The following XAF1 variants were observed in gnomAD, a reference collection of about 807,000 sequenced individuals.
XAF1 encodes XIAP-associated factor 1.
A neutral mutation model predicts 32.3 loss-of-function variants in XAF1; 32 were observed. That is an observed-to-expected ratio of 0.99 (90% CI 0.75 to 1.33). XAF1 has a LOEUF of 1.33. XAF1 is among the 40% of genes most tolerant of loss of function. The pLI is 0.00. For missense variants in XAF1, 379 were observed against 366.0 expected, an observed-to-expected ratio of 1.04 and a Z score of -0.29; for synonymous variants, 120 against 125.9, an observed-to-expected ratio of 0.95 and a Z score of 0.31.
chr17:6,756,638 T>A (rs1974695365), intron 1 of XAF1, among the ~76,000 whole-genome samples: 1 of 152,090 alleles, frequency 6.6e-6, no homozygotes. Flanking sequence ...TCCCTACCTG[T>A]GACAGGGACC....
rs755001289 is a variant in XAF1 at position 6,773,124 on chromosome 17, G to A, written c.861G>A (p.Arg287=). ...PILNQHQEKC[R]WLASSKGKQV... ...TATCCATTTCTTAGGAGAAATGCCG[G>A]TGGTTAGCTTCATCAAAAGGAAAAC... The change falls in exon 7 of 7, where the codon CGG becomes CGA. Residue 287 remains arginine, a synonymous_variant. Coordinates refer to ENST00000361842, the MANE Select transcript of XAF1 (RefSeq NM_017523.5). 3.1e-6 allele frequency: 5 copies of A among 1,606,524 alleles called. No homozygotes were observed. The African/African-American group carries it at 5.4e-5, about 17-fold the overall frequency.
Position 6,770,662 on chromosome 17 carries a change from C to CA in XAF1, c.528dup (p.Glu177ArgfsTer3), listed in dbSNP as rs767922066. 3 of 1,596,996 alleles carry CA rather than the reference C, an allele frequency of 1.9e-6. No homozygotes were observed. The highest frequency in any genetic ancestry group is 1.8e-5 in the Admixed American group (1 of 55,552). On this transcript the variant is annotated frameshift_variant, in exon 6 of 7. Transcript: ENST00000361842. LOFTEE classifies it high-confidence loss of function. The stretch of plus-strand genomic sequence containing the variant: ...TTGCAGGGTAAATGTTGTCCAGACT[C>CA]AGAGTTTAAGAAACACTTTCCTGTT...
At chr17:6,755,752 G>T, upstream of XAF1, 1 of 1,145,682 alleles carries the variant, frequency 8.7e-7, no homozygotes, top group Non-Finnish European at 1.1e-6. Context: ...AGACCCAGAC[G>T]GAGAGAAGCC....
At chr17:6,770,328 C>T (rs1042904599) in intron 5 of XAF1, among the ~76,000 whole-genome samples, 1 of 152,170 alleles carries the variant, frequency 6.6e-6, no homozygotes, top group South Asian at 2.1e-4. Flanking sequence ...GGACCCTAAT[C>T]TCATTAAAAA....
At chr17:6,760,368 A>AAT in intron 3 of XAF1, 38 bp from the exon 4 acceptor site, 7 of 1,425,740 alleles carry the variant, frequency 4.9e-6, no homozygotes, top group Admixed American at 2.4e-5. Flanking sequence ...AAAAAAAAAA[A>AAT]GGGCCAGTGA....
intron 4 of XAF1, chr17:6,761,787 C>G: frequency 7.9e-7 from 1 of 1,260,114 alleles, no homozygotes; most frequent in Non-Finnish European, 1.0e-6. Flanking sequence ...CAACCAACAC[C>G]TGGTCTGATC....
intron 5 of XAF1, among the ~76,000 whole-genome samples, chr17:6,765,509 C>A (rs1156589631): frequency 6.6e-6 from 1 of 152,156 alleles, no homozygotes; most frequent in Non-Finnish European, 1.5e-5. Context: ...GTTTTTCTCC[C>A]CAAACTCTAG....
At chr17:6,757,282 CATG>C (rs1974765803) in intron 1 of XAF1, 2 of 152,422 alleles carry the variant, frequency 1.3e-5, no homozygotes, top group African/African-American at 4.8e-5. Flanking sequence ...GGATTACAGG[CATG>C]AGCCACCACA....
rs760599560 is a variant in XAF1 at position 6,770,639 on chromosome 17, G to T, written c.508-4G>T. ...AAAATTTGATATATTATTCACAATT[G>T]CAGGGTAAATGTTGTCCAGACTCAG... On this transcript the variant is annotated splice_polypyrimidine_tract_variant and splice_region_variant and intron_variant, in intron 5 of 6. Coordinates refer to ENST00000361842, the MANE Select transcript of XAF1 (RefSeq NM_017523.5). 12 of 1,565,008 alleles carry T rather than the reference G, an allele frequency of 7.7e-6. No individual in the cohort carries two copies. Among genetic ancestry groups the T allele is most frequent in the Non-Finnish European group, 7.8e-6 (9 of 1,160,694 alleles).
intron 2 of XAF1, 21 bp downstream of exon 2, chr17:6,758,245 A>T: frequency 1.2e-6 from 2 of 1,610,380 alleles, no homozygotes; most frequent in Admixed American, 1.7e-5. Context: ...GGCAGGGAGG[A>T]TGGGGTCTGA....
rs139863841 is a variant in XAF1 at position 6,759,703 on chromosome 17, G to T, written c.210G>T (p.Ser70=). 4 of 1,613,744 alleles carry T rather than the reference G, an allele frequency of 2.5e-6. No individual in the cohort carries two copies. Among genetic ancestry groups the T allele is most frequent in the Non-Finnish European group, 3.4e-6 (4 of 1,180,020 alleles). The change falls in exon 3 of 7, where the codon TCG becomes TCT. Residue 70 remains serine, a synonymous_variant. Coordinates refer to ENST00000361842, the MANE Select transcript of XAF1 (RefSeq NM_017523.5). ...GTCAGCAGAGCATGCAGAAGTCCTCGCTGGAGTTTCATAAGGTAAGAGCCC... is the reference window on the plus strand; with the variant it reads ...GTCAGCAGAGCATGCAGAAGTCCTCTCTGGAGTTTCATAAGGTAAGAGCCC... ...TMCQQSMQKS[S]LEFHKANECQ...
rs1976272062 is a variant in XAF1 at position 6,774,278 on chromosome 17, T to C, written c.*1109T>C. 2 of 152,130 alleles carry C rather than the reference T, an allele frequency of 1.3e-5. No individual in the cohort carries two copies. The highest frequency in any genetic ancestry group is 4.1e-4 in the South Asian group (2 of 4,830). The allele number at this position is 152,130 out of a possible 1,614,324, so 9.4% of individuals were successfully genotyped here. On this transcript the variant is annotated 3_prime_UTR_variant, in exon 7 of 7. Transcript: ENST00000361842. ...AAATAAAGCTACACACCTACAACCA[T>C]CTAATCTTTGACAAAGTTGACAAAA...
upstream of XAF1, chr17:6,755,636 A>T: frequency 9.8e-7 from 1 of 1,024,384 alleles, no homozygotes; most frequent in Non-Finnish European, 1.2e-6. Context: ...AGGGAACAGC[A>T]TTCAAGCTCA....
At chr17:6,756,230 A>G in intron 1 of XAF1, 120 bp downstream of exon 1, 1 of 1,541,544 alleles carries the variant, frequency 6.5e-7, no homozygotes. Flanking sequence ...TAGGAGGACA[A>G]GCAGCTGGAG....
chr17:6,760,521 G>A lies in XAF1; in HGVS notation c.341G>A (p.Gly114Asp). The change falls in exon 4 of 7, where the codon GGC becomes GAC. Residue 114 changes from glycine (G) to aspartate (D), a missense_variant. Transcript: ENST00000361842. ...GGCAGCCGGACAGAGCTCTGCCAAG[G>A]CTGTGGCCAGTTCATCATGCACCGC... Reference protein sequence around the residue: ...YCGSRTELCQGCGQFIMHRML... With the variant: ...YCGSRTELCQDCGQFIMHRML... 6.2e-7 allele frequency: 1 copy of A among 1,613,688 alleles called. No homozygotes were observed. The highest frequency in any genetic ancestry group is 8.5e-7 in the Non-Finnish European group (1 of 1,179,914).
At chr17:6,769,582 G>A (rs1234874928) in intron 5 of XAF1, among the ~76,000 whole-genome samples, 1 of 152,110 alleles carries the variant, frequency 6.6e-6, no homozygotes, top group African/African-American at 2.4e-5. Flanking sequence ...TTTTGTGTCT[G>A]TGACTCTTAC....
In XAF1 at chr17:6,773,403, G is replaced by A. The variant is rs1270818256; in HGVS notation, c.*234G>A. The stretch of plus-strand genomic sequence containing the variant: ...GTTAAAAACCCTCAACAAACCAGGC[G>A]TCGAAGGAACATACCTCAAAATAAT... On this transcript the variant is annotated 3_prime_UTR_variant, in exon 7 of 7. Transcript: ENST00000361842. 2.3e-5 allele frequency: 10 copies of A among 444,260 alleles called. No individual in the cohort carries two copies. The highest frequency in any genetic ancestry group is 9.0e-5 in the Admixed American group (2 of 22,246). The allele number at this position is 444,260 out of a possible 1,614,324, so 27.5% of individuals were successfully genotyped here.
At chr17:6,761,014 C>T (rs1241838639) in intron 4 of XAF1, among the ~76,000 whole-genome samples, 5 of 152,168 alleles carry the variant, frequency 3.3e-5, no homozygotes, top group South Asian at 2.1e-4. Context: ...ATTAGCCGGG[C>T]GTGGTGGCGG....
chr17:6,772,911 A>G (rs1339573932), intron 6 of XAF1: 3 of 495,632 alleles, frequency 6.1e-6, no homozygotes, highest in Non-Finnish European at 1.1e-5. Flanking sequence ...ACCCAGTGAT[A>G]GCAACAGGCC....
Sources: gnomAD v4.1 joint callset for allele counts (sites outside exome capture counted in the v4.1 genomes callset) on GRCh38, gnomAD v4.1.1 for gene constraint, MANE v1.5 for transcripts, NCBI Gene and HGNC (gene_info 2026-07-23, HGNC 2026-07-21) for gene names.